Variants in CCDC178 observed in about 807,000 individuals in gnomAD.
The protein encoded by CCDC178 is coiled-coil domain-containing protein 178.
In CCDC178, 126 loss-of-function variants were observed where a neutral mutation model predicts 117.4. That is an observed-to-expected ratio of 1.07 (90% confidence interval 0.93 to 1.24). The LOEUF (loss-of-function observed/expected upper bound fraction) is 1.24. Ranked by LOEUF, CCDC178 falls within the 50% of genes most tolerant of loss-of-function variation. CCDC178 has a pLI of 0.00. For synonymous variants in CCDC178, 283 were observed against 313.4 expected, an observed-to-expected ratio of 0.90 and a Z score of 1.02; for missense variants, 1,030 against 986.9, an observed-to-expected ratio of 1.04 and a Z score of -0.59.
At chr18:33,363,300 A>G (rs1374043769) in intron 6 of CCDC178, among the ~76,000 whole-genome samples, 1 of 152,036 alleles carries the variant, frequency 6.6e-6, no homozygotes, top group Non-Finnish European at 1.5e-5. Flanking sequence ...TCTTGGACTA[A>G]AAACCAAGAG....
intron 11 of CCDC178, among the ~76,000 whole-genome samples, chr18:33,310,914 C>A (rs1290236601): frequency 6.6e-6 from 1 of 152,128 alleles, no homozygotes; most frequent in Admixed American, 6.5e-5. Flanking sequence ...CAGACAGTAA[C>A]CCAGAGTGGG....
chr18:33,428,347 T>C (rs1248539606), intron 2 of CCDC178, among the ~76,000 whole-genome samples: 3 of 152,132 alleles, frequency 2.0e-5, no homozygotes, highest in African/African-American at 7.2e-5. Flanking sequence ...AGTTATTCAT[T>C]TACTCCTCAG....
chr18:33,323,828 C>T (rs1034303524), intron 10 of CCDC178, among the ~76,000 whole-genome samples, 195 bp from the exon 11 acceptor site: 1 of 151,690 alleles, frequency 6.6e-6, no homozygotes, highest in African/African-American at 2.4e-5. Context: ...TGTTACTGAA[C>T]AAAATAATTT....
chr18:33,328,464 TTTGAG>T (rs1458516942), intron 10 of CCDC178, among the ~76,000 whole-genome samples: 1 of 152,082 alleles, frequency 6.6e-6, no homozygotes, highest in Non-Finnish European at 1.5e-5. Flanking sequence ...TTTGATTCAT[TTTGAG>T]TTAATGTTTA....
chr18:33,402,012 G>A (rs1466518118), intron 3 of CCDC178, among the ~76,000 whole-genome samples: 1 of 151,964 alleles, frequency 6.6e-6, no homozygotes, highest in Non-Finnish European at 1.5e-5. Context: ...AATATGTTGT[G>A]GTAATACTGA....
intron 20 of CCDC178, among the ~76,000 whole-genome samples, chr18:33,132,438 T>C (rs1321615446): frequency 6.6e-6 from 1 of 151,784 alleles, no homozygotes; most frequent in African/African-American, 2.4e-5. Flanking sequence ...TTGTTTTTTC[T>C]TTTGGTTAAA....
At chr18:33,349,611 A>G (rs1443823530) in intron 7 of CCDC178, among the ~76,000 whole-genome samples, 2 of 151,904 alleles carry the variant, frequency 1.3e-5, no homozygotes, top group East Asian at 3.9e-4. Flanking sequence ...GTGATTCTAG[A>G]ATCCTAAACT....
At chr18:33,109,710 T>C (rs1465838334) in intron 20 of CCDC178, among the ~76,000 whole-genome samples, 1 of 151,334 alleles carries the variant, frequency 6.6e-6, no homozygotes, top group Non-Finnish European at 1.5e-5. Context: ...ATAATTACAA[T>C]ATAGTACCAT....
chr18:32,952,832 G>C (rs955362379), intron 22 of CCDC178, among the ~76,000 whole-genome samples: 4 of 147,290 alleles, frequency 2.7e-5, no homozygotes, highest in African/African-American at 1.0e-4. Context: ...GGAGTGCAGT[G>C]GCATGATCTC....
intron 21 of CCDC178, among the ~76,000 whole-genome samples, chr18:33,086,391 T>C (rs1032391294): frequency 6.6e-6 from 1 of 150,586 alleles, no homozygotes; most frequent in Non-Finnish European, 1.5e-5. Context: ...TGTACATATA[T>C]ACATGTATGT....
chr18:33,207,410 A>C (rs1339766338), intron 20 of CCDC178, among the ~76,000 whole-genome samples: 1 of 151,966 alleles, frequency 6.6e-6, no homozygotes, highest in African/African-American at 2.4e-5. Flanking sequence ...TGAAAACATA[A>C]TTATTTTAGT....
intron 15 of CCDC178, 54 bp downstream of exon 15, chr18:33,245,191 A>T: frequency 7.2e-7 from 1 of 1,382,744 alleles, no homozygotes; most frequent in Non-Finnish European, 9.6e-7. Flanking sequence ...GATACAATTC[A>T]GGTAAATTAC....
chr18:33,133,932 A>G (rs2058095719), intron 20 of CCDC178, among the ~76,000 whole-genome samples: 1 of 151,994 alleles, frequency 6.6e-6, no homozygotes, highest in Non-Finnish European at 1.5e-5. Flanking sequence ...CTTCTGGAAA[A>G]GAGTAGTTCA....
At chr18:32,969,377 T>C (rs976410248) in intron 22 of CCDC178, among the ~76,000 whole-genome samples, 1 of 152,022 alleles carries the variant, frequency 6.6e-6, no homozygotes, top group African/African-American at 2.4e-5. Flanking sequence ...CTAATGCACC[T>C]GGCCTGTTTA....
chr18:33,414,252 A>G (rs941849789), intron 2 of CCDC178, among the ~76,000 whole-genome samples: 44 of 152,216 alleles, frequency 2.9e-4, no homozygotes, highest in Admixed American at 2.9e-3. Context: ...CCATAACTGC[A>G]ATTCTAAACT....
rs181622837 is a variant in CCDC178, at chr18:33,046,121, C to T, written c.2388+46640G>A. ...AGATAGTAGATGATGTTAGCCTTTA[C>T]GAACATGAAATAAATACAAATACAT... is the stretch of plus-strand genomic sequence containing the variant. On this transcript the variant is annotated intron_variant, in intron 21 of 22. Coordinates refer to ENST00000383096, the MANE Select transcript of CCDC178 (RefSeq NM_001105528.4). Among the ~76,000 whole-genome samples, 11 of 152,184 alleles carry T rather than the reference C, an allele frequency of 7.2e-5. No homozygotes were observed. The East Asian group carries it at 1.5e-3, about 21-fold the overall frequency.
intron 9 of CCDC178, among the ~76,000 whole-genome samples, chr18:33,341,857 A>G (rs2062821352): frequency 6.6e-6 from 1 of 152,222 alleles, no homozygotes; most frequent in Admixed American, 6.5e-5. Flanking sequence ...ACCTAAAACT[A>G]GGAAACAAAT....
chr18:33,069,197 GAAACAA>G (rs1373887635), intron 21 of CCDC178, among the ~76,000 whole-genome samples: 2 of 151,904 alleles, frequency 1.3e-5, no homozygotes, highest in Non-Finnish European at 2.9e-5. Flanking sequence ...AAATTTGTAT[GAAACAA>G]AAAAGGCTGA....
At position 33,245,448 on chromosome 18, in the gene CCDC178, A is replaced by G. The variant is rs1568084343; in HGVS notation, c.1410-20T>C. 1.4e-6 allele frequency: 2 copies of G among 1,479,548 alleles called. No homozygotes were observed. Among genetic ancestry groups the G allele is most frequent in the Non-Finnish European group, 1.8e-6 (2 of 1,108,152 alleles). The allele number at this position is 1,479,548 out of a possible 1,614,324, so 91.7% of individuals were successfully genotyped here. On this transcript the variant is annotated intron_variant, in intron 14 of 22. Coordinates refer to ENST00000383096, the MANE Select transcript of CCDC178 (RefSeq NM_001105528.4). ...CGTATGCTGTAAAAGTAAAGCAAAAATTAATATTATTGAGTATATAGTGAG... is the reference window on the plus strand; with the variant it reads ...CGTATGCTGTAAAAGTAAAGCAAAAGTTAATATTATTGAGTATATAGTGAG...
Sources: gnomAD v4.1 joint callset for allele counts (sites outside exome capture counted in the v4.1 genomes callset) on GRCh38, gnomAD v4.1.1 for gene constraint, MANE v1.5 for transcripts, NCBI Gene and HGNC (gene_info 2026-07-23, HGNC 2026-07-21) for gene names.